TBC1D19: variants seen among roughly 807,000 people sequenced by gnomAD.
TBC1D19 encodes TBC1 domain family member 19.
TBC1D19 carries 60 observed loss-of-function variants against 89.0 expected under a neutral mutation model. The observed-to-expected ratio is 0.67, with a 90% CI of 0.55 to 0.84. The LOEUF is 0.84. TBC1D19 is among the 40% of genes least tolerant of loss of function. TBC1D19 has a pLI of 0.00. For synonymous variants in TBC1D19, 189 were observed against 199.7 expected (o/e 0.95, Z 0.45); for missense variants, 500 against 610.8 (o/e 0.82, Z 1.91).
chr4:26,584,450 CA>C (rs372763435), intron 1 of TBC1D19, among the ~76,000 whole-genome samples, 158 bp downstream of exon 1: 4 of 134,230 alleles, frequency 3.0e-5, no homozygotes, highest in Non-Finnish European at 6.7e-5. Context: ...AAAACAAAAA[CA>C]AAAACAAAAC....
intron 15 of TBC1D19, among the ~76,000 whole-genome samples, chr4:26,722,906 A>C (rs896645458): frequency 2.6e-5 from 4 of 152,288 alleles, no homozygotes; most frequent in South Asian, 4.1e-4. Flanking sequence ...TGACAAAGCC[A>C]AGCTTTGAAT....
chr4:26,752,324 A>G (rs1368761388), intron 19 of TBC1D19, among the ~76,000 whole-genome samples: 1 of 147,646 alleles, frequency 6.8e-6, no homozygotes, highest in African/African-American at 2.5e-5. Flanking sequence ...AGCTCACTGC[A>G]GCCTTGAACT....
the TBC1D19 span, among the ~76,000 whole-genome samples, chr4:26,850,765 A>G: frequency 2.8e-4 from 43 of 152,158 alleles, no homozygotes; most frequent in African/African-American, 1.0e-3. Flanking sequence ...TCTGTTGGTT[A>G]AGCCGCCCAG....
intron 1 of TBC1D19, among the ~76,000 whole-genome samples, chr4:26,577,395 T>C (rs1022158680): frequency 6.6e-6 from 1 of 152,100 alleles, no homozygotes; most frequent in African/African-American, 2.4e-5. Context: ...ATTTTTTGTT[T>C]CCAGTGCAAG....
chr4:26,706,263 T>G (rs2109227838), intron 13 of TBC1D19, among the ~76,000 whole-genome samples: 1 of 152,294 alleles, frequency 6.6e-6, no homozygotes, highest in South Asian at 2.1e-4. Flanking sequence ...TTGGTTGACT[T>G]TGTGTTTCTA....
At chr4:26,705,791 T>C (rs1715691269) in intron 13 of TBC1D19, among the ~76,000 whole-genome samples, 1 of 152,168 alleles carries the variant, frequency 6.6e-6, no homozygotes, top group African/African-American at 2.4e-5. Context: ...GGGTTTCTCG[T>C]AGGGTCTTTG....
chr4:26,636,382 G>T (rs1743124153), intron 4 of TBC1D19, among the ~76,000 whole-genome samples: 1 of 150,112 alleles, frequency 6.7e-6, no homozygotes, highest in South Asian at 2.1e-4. Context: ...AAATAGAAGA[G>T]ATAATGAAGA....
At chr4:26,665,220 A>T (rs933490664) in intron 8 of TBC1D19, among the ~76,000 whole-genome samples, 1 of 152,152 alleles carries the variant, frequency 6.6e-6, no homozygotes, top group Middle Eastern at 3.2e-3. Flanking sequence ...AAATTGAAAT[A>T]TAGTAGTAGT....
chr4:26,829,739 T>A, the TBC1D19 span, among the ~76,000 whole-genome samples: 1 of 150,186 alleles, frequency 6.7e-6, no homozygotes, highest in African/African-American at 2.4e-5. Flanking sequence ...TGTTCATTTG[T>A]TTTTTACCTC....
chr4:26,793,354 G>T, the TBC1D19 span, among the ~76,000 whole-genome samples: 1 of 152,316 alleles, frequency 6.6e-6, no homozygotes, highest in Non-Finnish European at 1.5e-5. Context: ...GAGTTTATTT[G>T]CCCACATAAC....
intron 15 of TBC1D19, among the ~76,000 whole-genome samples, chr4:26,730,352 G>T (rs1019969080): frequency 3.3e-5 from 5 of 152,114 alleles, no homozygotes; most frequent in Admixed American, 1.3e-4. Context: ...GATAGGGAAA[G>T]GAATACAATT....
intron 16 of TBC1D19, among the ~76,000 whole-genome samples, chr4:26,737,369 A>T (rs1039304928): frequency 3.3e-5 from 5 of 152,196 alleles, no homozygotes; most frequent in African/African-American, 1.2e-4. Context: ...ATCTAATAAT[A>T]AAAATGTTCA....
the TBC1D19 span, among the ~76,000 whole-genome samples, chr4:26,844,596 T>G: frequency 1.3e-5 from 2 of 152,254 alleles, no homozygotes; most frequent in Admixed American, 1.3e-4. Context: ...AAATATCCAT[T>G]ATTGTAAGAA....
chr4:26,735,645 AT>A (rs1226494967), intron 16 of TBC1D19, among the ~76,000 whole-genome samples, 158 bp downstream of exon 16: 2 of 151,988 alleles, frequency 1.3e-5, no homozygotes, highest in South Asian at 2.1e-4. Flanking sequence ...TAGGGGCTTC[AT>A]TTTTTTTAAT....
At chr4:26,651,819 T>C (rs1052256055) in intron 7 of TBC1D19, among the ~76,000 whole-genome samples, 1 of 152,184 alleles carries the variant, frequency 6.6e-6, no homozygotes, top group Non-Finnish European at 1.5e-5. Context: ...TTCCAGTTTT[T>C]GTCCATTCAG....
chr4:26,673,560 G>A (rs1712530619), intron 10 of TBC1D19, among the ~76,000 whole-genome samples: 1 of 151,192 alleles, frequency 6.6e-6, no homozygotes, highest in African/African-American at 2.4e-5. Context: ...TCCACACTGG[G>A]TAGGAGGTGG....
At chr4:26,615,408 A>G (rs776186836) in intron 3 of TBC1D19, among the ~76,000 whole-genome samples, 2 of 151,298 alleles carry the variant, frequency 1.3e-5, no homozygotes, top group Non-Finnish European at 2.9e-5. Context: ...TTCTGCCCTC[A>G]TGGAGTTCAT....
intron 7 of TBC1D19, among the ~76,000 whole-genome samples, chr4:26,656,987 T>TCTTCTCCTTCTCCTTCTCCTTCTC (rs1553904801): frequency 0.06 from 1,065 of 17,824 alleles, 128 homozygotes; most frequent in South Asian, 0.16. Context: ...TTCTTCTTCT[T>TCTTCTCCTTCTCCTTCTCCTTCTC]CTTCTCCTTC....
Position 26,753,819 on chromosome 4 carries a change from G to A in TBC1D19, c.1436-1G>A. On this transcript the variant is annotated splice_acceptor_variant, in intron 19 of 20. Transcript: ENST00000264866. LOFTEE classifies it high-confidence loss of function. ...TTGAAGTAGTGTGCATTCTTTTCCA[G>A]TGCTGGCAGCTGCCGTGTTTGCTTT... 6.2e-7 allele frequency: 1 copy of A among 1,613,894 alleles called. No individual in the cohort carries two copies. The highest frequency in any genetic ancestry group is 8.5e-7 in the Non-Finnish European group (1 of 1,179,840).
Sources: gnomAD v4.1 joint callset for allele counts (sites outside exome capture counted in the v4.1 genomes callset) on GRCh38, gnomAD v4.1.1 for gene constraint, MANE v1.5 for transcripts, NCBI Gene and HGNC (gene_info 2026-07-23, HGNC 2026-07-21) for gene names.